Variants in LYST observed in about 807,000 individuals in gnomAD.
LYST encodes lysosomal-trafficking regulator.
Under a neutral mutation model 413.6 loss-of-function variants are expected in LYST, and 192 were observed. That is an observed-to-expected ratio of 0.46 (90% CI 0.41 to 0.52). The LOEUF is 0.52. Ranked by LOEUF, LYST falls within the 20% of genes least tolerant of loss-of-function variation. The probability of loss-of-function intolerance (pLI) is 0.00; values close to 1 mark genes in which losing one functional copy is unlikely to be tolerated. For synonymous variants in LYST, 1,525 were observed against 1,567.3 expected, an observed-to-expected ratio of 0.97 and a Z score of 0.64; for missense variants, 3,815 against 4,499.9, an observed-to-expected ratio of 0.85 and a Z score of 4.35.
At chr1:235,869,362 A>C (rs1312222210), upstream of LYST, among the ~76,000 whole-genome samples, 1 of 152,118 alleles carries the variant, frequency 6.6e-6, no homozygotes, top group Non-Finnish European at 1.5e-5. Flanking sequence ...GTCTCAGCTA[A>C]TCGAGAGGCT....
At chr1:235,679,355 C>G (rs1287124421) in intron 48 of LYST, among the ~76,000 whole-genome samples, 1 of 152,106 alleles carries the variant, frequency 6.6e-6, no homozygotes, top group Non-Finnish European at 1.5e-5. Context: ...ATTCCCTGCT[C>G]TAAAGGACCT....
At position 235,755,570 on chromosome 1, in the gene LYST, T is replaced by G. The variant is rs61738992; in HGVS notation, c.7137A>C (p.Leu2379=). The change falls in exon 25 of 53, where the codon CTA becomes CTC. Residue 2379 remains leucine (L), a synonymous_variant. Transcript: ENST00000389793. ...KFLKNRGFSL[L]ANQLYLHRGT... ...CTCGATGAAGATACAACTGGTTGGC[T>G]AGCAAGGAAAATCCACGATTCTTCA... 57,235 of 1,613,120 alleles carry G rather than the reference T, an allele frequency of 0.035. 1,238 individuals carry two copies. Among genetic ancestry groups the G allele is most frequent in the Admixed American group, 0.075 (4,482 of 60,000 alleles).
At chr1:235,771,065 G>A (rs1263042332) in intron 19 of LYST, among the ~76,000 whole-genome samples, 1 of 152,056 alleles carries the variant, frequency 6.6e-6, no homozygotes. Context: ...CCATTATCTG[G>A]CAATAATGAA....
intron 1 of LYST, among the ~76,000 whole-genome samples, chr1:235,847,431 G>C (rs544342485): frequency 6.6e-6 from 1 of 152,200 alleles, no homozygotes; most frequent in South Asian, 2.1e-4. Flanking sequence ...CCTCTTCAAA[G>C]CATAAATCAC....
chr1:235,827,902 C>T, intron 3 of LYST: 1 of 629,268 alleles, frequency 1.6e-6, no homozygotes, highest in Non-Finnish European at 2.0e-6. Context: ...TTCCAGAATA[C>T]ATAAAGAACT....
chr1:235,741,597 T>C lies in LYST; in HGVS notation c.8183A>G (p.Gln2728Arg). 1 of 1,614,114 alleles carries C rather than the reference T, an allele frequency of 6.2e-7. No homozygotes were observed. Among genetic ancestry groups the C allele is most frequent in the Middle Eastern group, 1.7e-4 (1 of 6,060 alleles). The change falls in exon 31 of 53, where the codon CAA (glutamine) becomes CGA (arginine). Residue 2728 changes from glutamine (Q) to arginine (R), a missense_variant. By Grantham distance (43) the Gln-to-Arg change is conservative (BLOSUM62 1). Transcript: ENST00000389793. ...GSSKASGSKQQWTKILWSCKE... is the reference protein window; with the variant it reads ...GSSKASGSKQRWTKILWSCKE... ...ACAAGACCACAGAATTTTAGTCCAT[T>C]GCTGCTTGGAACCACTGGCTTTACT...
At chr1:235,869,436 C>T (rs910435851), upstream of LYST, among the ~76,000 whole-genome samples, 7 of 151,978 alleles carry the variant, frequency 4.6e-5, no homozygotes, top group Admixed American at 3.3e-4. Flanking sequence ...AGCGCCACTA[C>T]AGTCTGGCCC....
intron 1 of LYST, chr1:235,853,057 C>T (rs1678730205): frequency 5.9e-6 from 1 of 170,530 alleles, no homozygotes; most frequent in South Asian, 2.0e-4. Flanking sequence ...CTAATTACAG[C>T]TGTACTTAGT....
intron 19 of LYST, among the ~76,000 whole-genome samples, chr1:235,771,028 C>T (rs1024840788): frequency 1.3e-5 from 2 of 152,150 alleles, no homozygotes; most frequent in African/African-American, 2.4e-5. Flanking sequence ...AATTAACTGG[C>T]TTGGGTTGCA....
At chr1:235,738,930 G>A (rs868686417) in intron 31 of LYST, 1 of 727,748 alleles carries the variant, frequency 1.4e-6, no homozygotes, top group Middle Eastern at 4.1e-4. Flanking sequence ...TGAGGAAGGG[G>A]CCCATTTGAA....
In LYST at chr1:235,733,655, T is replaced by A. The variant is rs534410275; in HGVS notation, c.8649A>T (p.Ile2883=). The A allele has an allele frequency of 2.5e-6, 4 of 1,613,840 alleles. No homozygotes were observed. Among genetic ancestry groups the A allele is most frequent in the East Asian group, 2.2e-5 (1 of 44,856 alleles). Residue 2883 remains isoleucine (I), a synonymous_variant, in exon 34 of 53, where the codon ATA becomes ATT. Transcript: ENST00000389793. ...FQRLDSKSKD[I]SKIAADITQA... ...GGGTGATATCTGCAGCTATTTTAGA[T>A]ATATCCTTTGATTTTGAATCCAGAC...
At chr1:235,726,029 T>C (rs1329631832) in intron 38 of LYST, among the ~76,000 whole-genome samples, 1 of 152,228 alleles carries the variant, frequency 6.6e-6, no homozygotes, top group Non-Finnish European at 1.5e-5. Flanking sequence ...ATGCTTTTAA[T>C]AGAGAAATAA....
chr1:235,709,534 C>G (rs1368141928), intron 43 of LYST, among the ~76,000 whole-genome samples: 1 of 144,888 alleles, frequency 6.9e-6, no homozygotes, highest in Admixed American at 6.7e-5. Flanking sequence ...AATTTGAGAT[C>G]TTTCAACTTT....
chr1:235,750,929 T>C (rs1666426439), intron 28 of LYST, among the ~76,000 whole-genome samples: 1 of 152,188 alleles, frequency 6.6e-6, no homozygotes, highest in African/African-American at 2.4e-5. Flanking sequence ...ATTTCCCTAC[T>C]ATTTTACAAT....
At chr1:235,857,778 CACACACAT>C (rs1211049307) in intron 1 of LYST, among the ~76,000 whole-genome samples, 35 of 140,722 alleles carry the variant, frequency 2.5e-4, no homozygotes, top group African/African-American at 7.6e-4. Context: ...CACACACACA[CACACACAT>C]ATATATATAA....
At chr1:235,837,268 G>T (rs900997891) in intron 1 of LYST, among the ~76,000 whole-genome samples, 14 of 152,174 alleles carry the variant, frequency 9.2e-5, no homozygotes, top group African/African-American at 2.9e-4. Flanking sequence ...CAGGTGAGTG[G>T]TATCTCCCAG....
intron 1 of LYST, among the ~76,000 whole-genome samples, 153 bp from the exon 2 acceptor site, chr1:235,833,820 C>T (rs1297081167): frequency 6.6e-6 from 1 of 152,152 alleles, no homozygotes; most frequent in Non-Finnish European, 1.5e-5. Context: ...ATGCCTACTT[C>T]AAGAATTCCT....
At chr1:235,823,530 A>T (rs958970488) in intron 3 of LYST, among the ~76,000 whole-genome samples, 1 of 152,242 alleles carries the variant, frequency 6.6e-6, no homozygotes, top group African/African-American at 2.4e-5. Flanking sequence ...CAATGTTTTC[A>T]GAATAAAATT....
chr1:235,773,482 A>T (rs1668917845), intron 19 of LYST, among the ~76,000 whole-genome samples: 1 of 152,182 alleles, frequency 6.6e-6, no homozygotes, highest in African/African-American at 2.4e-5. Context: ...TAAAAAGGAA[A>T]TTTGGACATA....
Sources: gnomAD v4.1 joint callset for allele counts (sites outside exome capture counted in the v4.1 genomes callset) on GRCh38, gnomAD v4.1.1 for gene constraint, MANE v1.5 for transcripts, NCBI Gene and HGNC (gene_info 2026-07-23, HGNC 2026-07-21) for gene names.